SMARCD2: variants seen among roughly 807,000 people sequenced by gnomAD.
SMARCD2 encodes the protein SWI/SNF-related matrix-associated actin-dependent regulator of chromatin subfamily D member 2.
Under a neutral mutation model 70.4 loss-of-function variants are expected in SMARCD2, and 39 were observed. That is an observed-to-expected ratio of 0.55 (90% CI 0.43 to 0.72). SMARCD2 has a LOEUF of 0.72. Among genes scored for constraint, SMARCD2 ranks in the 30% least tolerant of loss-of-function variants. The pLI, the probability that SMARCD2 is intolerant of heterozygous loss-of-function variation, is 0.00. For synonymous variants in SMARCD2, 249 were observed against 279.4 expected, an observed-to-expected ratio of 0.89 and a Z score of 1.08; for missense variants, 540 against 713.4, an observed-to-expected ratio of 0.76 and a Z score of 2.77.
At chr17:63,840,980 A>G (rs958981485) in intron 1 of SMARCD2, among the ~76,000 whole-genome samples, 1 of 152,254 alleles carries the variant, frequency 6.6e-6, no homozygotes, top group Non-Finnish European at 1.5e-5. Context: ...TATGGCTTGC[A>G]TGCCAAGGAA....
intron 1 of SMARCD2, chr17:63,839,264 A>G: frequency 1.0e-6 from 1 of 985,282 alleles, no homozygotes; most frequent in South Asian, 4.7e-5. Flanking sequence ...GAACTGAAGC[A>G]GTGGGTCCTG....
At chr17:63,839,050 G>A in intron 1 of SMARCD2, 9 of 985,326 alleles carry the variant, frequency 9.1e-6, no homozygotes, top group Non-Finnish European at 1.1e-5. Flanking sequence ...CTGGGGCTTT[G>A]GGAGTCCTGC....
rs763113762 is a variant in SMARCD2, at chr17:63,833,369, T to G, written c.1369A>C (p.Met457Leu). Residue 457 changes from methionine (M) to leucine (L), a missense_variant, in exon 11 of 13, where the codon ATG becomes CTG. Coordinates refer to ENST00000448276, the MANE Select transcript of SMARCD2 (RefSeq NM_001098426.2). The surrounding 1 kb of genome is among the most constrained non-coding windows in gnomAD (Gnocchi z 4.3). ...TGGGGGTCGGTGCTAAAACTGAGCA[T>G]GAAATCTCTCTGGGTCTTCAGCTGG... ...INQLKTQRDF[M>L]LSFSTDPQDF... The G allele has an allele frequency of 1.2e-6, 2 of 1,614,000 alleles. No individual in the cohort carries two copies. The highest frequency in any genetic ancestry group is 2.2e-5 in the South Asian group (2 of 91,082).
At position 63,833,155 on chromosome 17, in the gene SMARCD2, T is replaced by C; in HGVS notation, c.1456A>G (p.Ile486Val). ...CGTCTCTCCTCCTCAGGATTTCCAA[T>C]CACATCAGTGATGATCTGCAAAGAG... ...RRDLKIITDV[I>V]GNPEEERRAA... Residue 486 changes from isoleucine to valine, a missense_variant, in exon 12 of 13, where the codon ATT (isoleucine) becomes GTT (valine). Ile to Val is a conservative substitution (Grantham distance 29, BLOSUM62 3). Coordinates refer to ENST00000448276, the MANE Select transcript of SMARCD2 (RefSeq NM_001098426.2). The surrounding 1 kb of genome is among the most constrained non-coding windows in gnomAD (Gnocchi z 4.3). 1 of 1,608,294 alleles carries C rather than the reference T, an allele frequency of 6.2e-7. No homozygotes were observed. Among genetic ancestry groups the C allele is most frequent in the East Asian group, 2.2e-5 (1 of 44,742 alleles).
intron 1 of SMARCD2, among the ~76,000 whole-genome samples, chr17:63,838,016 T>C (rs754443821): frequency 1.6e-4 from 24 of 152,024 alleles, no homozygotes; most frequent in Non-Finnish European, 3.4e-4. Flanking sequence ...CTGCCCTCCT[T>C]CTCTTTCTCC....
intron 1 of SMARCD2, chr17:63,838,616 C>G (rs1261241034): frequency 2.0e-6 from 3 of 1,495,420 alleles, no homozygotes; most frequent in Non-Finnish European, 2.7e-6. Flanking sequence ...CCACCTGAGG[C>G]CTTGCTCCCT....
Position 63,833,785 on chromosome 17 carries a change from A to G in SMARCD2, c.1182-63T>C, listed in dbSNP as rs974990445. The G allele has an allele frequency of 1.9e-6, 3 of 1,605,594 alleles. No individual in the cohort carries two copies. In the African/African-American group the frequency reaches 4.0e-5, roughly 21 times the overall value. Reference sequence around the variant, plus strand: ...ACTTCATCCTGCCCACCTGGGCCAAATCTGGGGCCCATTCTCTGCACACAC... The same window carrying G: ...ACTTCATCCTGCCCACCTGGGCCAAGTCTGGGGCCCATTCTCTGCACACAC... On this transcript the variant is annotated intron_variant, in intron 9 of 12. Coordinates refer to ENST00000448276, the MANE Select transcript of SMARCD2 (RefSeq NM_001098426.2). This position sits in a 1 kb window ranked among gnomAD's most constrained non-coding sequence, Gnocchi z 4.3.
At chr17:63,838,387 G>C (rs1367854769) in intron 1 of SMARCD2, among the ~76,000 whole-genome samples, 2 of 152,068 alleles carry the variant, frequency 1.3e-5, no homozygotes, top group Admixed American at 1.3e-4. Flanking sequence ...ATGGCTCCTG[G>C]GTGGCCTGTG....
At chr17:63,835,101 T>C (rs1264882124) in intron 5 of SMARCD2, 1 of 533,112 alleles carries the variant, frequency 1.9e-6, no homozygotes. Flanking sequence ...GCAGGACTTC[T>C]CTGGGAGCGC....
Position 63,834,123 on chromosome 17 carries a change from G to T in SMARCD2, c.1083+44C>A. ...GGCCAAGGAGTAGCCCAGCAGGCAA[G>T]GCAAAGCAAGGGCTGAGAAAACGGG... On this transcript the variant is annotated intron_variant, in intron 8 of 12. Transcript: ENST00000448276. This position sits in a 1 kb window ranked among gnomAD's most constrained non-coding sequence, Gnocchi z 5.6. The T allele has an allele frequency of 6.2e-7, 1 of 1,606,242 alleles. No individual in the cohort carries two copies. Among genetic ancestry groups the T allele is most frequent in the Non-Finnish European group, 8.5e-7 (1 of 1,174,502 alleles).
rs536241232 is a variant in SMARCD2 at position 63,832,232 on chromosome 17, AC to A, written c.*705del. On this transcript the variant is annotated 3_prime_UTR_variant, in exon 13 of 13. Coordinates refer to ENST00000448276, the MANE Select transcript of SMARCD2 (RefSeq NM_001098426.2). ...CTTACCCTGGCCTCCACATGCACATACCCCATACCTCAGGCCATGCTAGAGA... is the reference window on the plus strand; with the variant it reads ...CTTACCCTGGCCTCCACATGCACATACCCATACCTCAGGCCATGCTAGAGA... 151 of 536,586 alleles carry A rather than the reference AC, an allele frequency of 2.8e-4. No individual in the cohort carries two copies. Among genetic ancestry groups the A allele is most frequent in the Middle Eastern group, 2.6e-3 (5 of 1,958 alleles). The allele number at this position is 536,586 out of a possible 1,614,324, so 33.2% of individuals were successfully genotyped here.
At chr17:63,835,208 G>C in intron 5 of SMARCD2, 2 of 563,406 alleles carry the variant, frequency 3.5e-6, no homozygotes, top group South Asian at 2.3e-5. Flanking sequence ...ACTGAAGCTC[G>C]ACCTCCTGGG....
Position 63,837,402 on chromosome 17 carries a change from G to T in SMARCD2, c.401+39C>A. 1 of 1,560,370 alleles carries T rather than the reference G, an allele frequency of 6.4e-7. No individual in the cohort carries two copies. Among genetic ancestry groups the T allele is most frequent in the Non-Finnish European group, 8.7e-7 (1 of 1,144,136 alleles). On this transcript the variant is annotated intron_variant, in intron 2 of 12. Coordinates refer to ENST00000448276, the MANE Select transcript of SMARCD2 (RefSeq NM_001098426.2). This position sits in a 1 kb window ranked among gnomAD's most constrained non-coding sequence, Gnocchi z 6.4. The stretch of plus-strand genomic sequence containing the variant: ...AAGGAAACCCTCTGCTACCACCAGA[G>T]CTGAGTTAGGCAGAGTGAGAGAAGC...
intron 4 of SMARCD2, among the ~76,000 whole-genome samples, chr17:63,836,052 A>G (rs1395828961): frequency 6.6e-6 from 1 of 152,056 alleles, no homozygotes; most frequent in Non-Finnish European, 1.5e-5. Context: ...TTATGGGGAA[A>G]GAGATGCATC....
chr17:63,836,915 C>G lies in SMARCD2; in HGVS notation c.567+7G>C, dbSNP rs917467247. The G allele has an allele frequency of 2.5e-6, 4 of 1,612,352 alleles. No homozygotes were observed. The highest frequency in any genetic ancestry group is 1.7e-5 in the Admixed American group (1 of 59,990). The stretch of plus-strand genomic sequence containing the variant: ...GGAAGGCTAGAGGTGGTCAGGGCCA[C>G]ACATACTGTCAGAGGCTTTTTGATG... On this transcript the variant is annotated splice_region_variant and intron_variant, in intron 4 of 12. Transcript: ENST00000448276.
In SMARCD2 at chr17:63,833,013, T is replaced by G; in HGVS notation, c.1543-22A>C. On this transcript the variant is annotated intron_variant, in intron 12 of 12. Coordinates refer to ENST00000448276, the MANE Select transcript of SMARCD2 (RefSeq NM_001098426.2). The surrounding 1 kb of genome is among the most constrained non-coding windows in gnomAD (Gnocchi z 4.3). Reference sequence around the variant, plus strand: ...GCACCTGGAGAAGGGAGAAACCAAGTGGCTCAGGCCTTTGCTACTCACGGC... The same window carrying G: ...GCACCTGGAGAAGGGAGAAACCAAGGGGCTCAGGCCTTTGCTACTCACGGC... 6.3e-7 allele frequency: 1 copy of G among 1,587,132 alleles called. No individual in the cohort carries two copies. Among genetic ancestry groups the G allele is most frequent in the Non-Finnish European group, 8.6e-7 (1 of 1,167,932 alleles).
intron 1 of SMARCD2, among the ~76,000 whole-genome samples, chr17:63,841,661 A>G (rs1041975139): frequency 1.3e-5 from 2 of 152,260 alleles, no homozygotes; most frequent in African/African-American, 4.8e-5. Flanking sequence ...CAAAACCCCA[A>G]AGGGGTCAGG....
intron 1 of SMARCD2, among the ~76,000 whole-genome samples, chr17:63,839,565 C>G (rs1344460030): frequency 7.1e-6 from 1 of 140,420 alleles, no homozygotes. Flanking sequence ...ACTCCTCCCA[C>G]TTCAAAAAAC....
chr17:63,839,045 G>A, intron 1 of SMARCD2: 1 of 985,232 alleles, frequency 1.0e-6, no homozygotes, highest in Non-Finnish European at 1.2e-6. Context: ...GGGCTCTGGG[G>A]CTTTGGGAGT....
Sources: allele counts gnomAD v4.1 joint callset (sites outside exome capture counted in the v4.1 genomes callset), GRCh38; gene constraint gnomAD v4.1.1; non-coding constraint Gnocchi (gnomAD v3.1); transcripts MANE v1.5; gene names NCBI Gene and HGNC (gene_info 2026-07-23, HGNC 2026-07-21).